Variants in SMYD3 observed in about 807,000 individuals in gnomAD.
The protein encoded by SMYD3 is histone-lysine N-methyltransferase SMYD3.
SMYD3 carries 36 observed loss-of-function variants against 57.7 expected under a neutral mutation model. The ratio of observed to expected loss-of-function variants is 0.62; its 90% CI spans 0.48 to 0.82. The LOEUF (loss-of-function observed/expected upper bound fraction) is 0.82. Among genes scored for constraint, SMYD3 ranks in the 40% least tolerant of loss-of-function variants. The pLI, the probability that SMYD3 is intolerant of heterozygous loss-of-function variation, is 0.00. For missense variants in SMYD3, 515 were observed against 538.8 expected (o/e 0.96, Z 0.44); for synonymous variants, 211 against 195.0 (o/e 1.08, Z -0.68).
intron 5 of SMYD3, chr1:246,052,847 A>T (rs1181025014): frequency 6.6e-6 from 1 of 152,244 alleles, no homozygotes; most frequent in East Asian, 1.9e-4. Flanking sequence ...AGTGTAAGGC[A>T]CTTTGTACTT....
intron 10 of SMYD3, among the ~76,000 whole-genome samples, chr1:245,796,358 T>C (rs2047520810): frequency 6.6e-6 from 1 of 152,032 alleles, no homozygotes; most frequent in Admixed American, 6.5e-5. Context: ...TTTTTTTTAA[T>C]AAAATGGAGA....
At chr1:246,304,189 C>T (rs1035831997) in intron 5 of SMYD3, among the ~76,000 whole-genome samples, 2 of 152,134 alleles carry the variant, frequency 1.3e-5, no homozygotes, top group Non-Finnish European at 2.9e-5. Flanking sequence ...TACTATATTT[C>T]AGATGCTCGT....
intron 5 of SMYD3, among the ~76,000 whole-genome samples, chr1:246,252,522 T>C (rs941381769): frequency 2.0e-5 from 3 of 152,114 alleles, no homozygotes; most frequent in African/African-American, 7.3e-5. Flanking sequence ...TAAAATATTA[T>C]AAATTTATTC....
intron 5 of SMYD3, among the ~76,000 whole-genome samples, chr1:245,940,093 T>C (rs1425130954): frequency 2.0e-5 from 3 of 152,168 alleles, no homozygotes; most frequent in Non-Finnish European, 2.9e-5. Flanking sequence ...TCAGGGAATT[T>C]CAGCAACTCC....
intron 10 of SMYD3, among the ~76,000 whole-genome samples, chr1:245,844,605 C>CTTTTTTTTTTTTTTT (rs34767057): frequency 1.4e-5 from 2 of 147,758 alleles, no homozygotes; most frequent in Non-Finnish European, 1.5e-5. Context: ...TCCTTGGTTT[C>CTTTTTTTTTTTTTTT]TTTTTTTTTT....
chr1:246,400,202 T>A (rs1229163241), intron 1 of SMYD3, among the ~76,000 whole-genome samples: 1 of 152,246 alleles, frequency 6.6e-6, no homozygotes, highest in Non-Finnish European at 1.5e-5. Flanking sequence ...TCATCTAACA[T>A]TTATTTACCC....
At chr1:246,093,961 G>A (rs1295818338) in intron 5 of SMYD3, among the ~76,000 whole-genome samples, 1 of 152,132 alleles carries the variant, frequency 6.6e-6, no homozygotes, top group Non-Finnish European at 1.5e-5. Flanking sequence ...AGAAGTCGGT[G>A]TAGCGTGTGT....
At chr1:245,809,056 G>T (rs1376834461) in intron 10 of SMYD3, among the ~76,000 whole-genome samples, 1 of 152,134 alleles carries the variant, frequency 6.6e-6, no homozygotes, top group Admixed American at 6.5e-5. Context: ...CTCCTGGCCG[G>T]TTGTGATTTT....
intron 10 of SMYD3, among the ~76,000 whole-genome samples, chr1:245,837,237 CAAA>C (rs5782371): frequency 3.6e-5 from 4 of 110,778 alleles, no homozygotes; most frequent in African/African-American, 3.2e-5. Context: ...GCCTCTGTCT[CAAA>C]AAAAAAAAAA....
At chr1:245,947,757 C>T (rs2057473002) in intron 5 of SMYD3, among the ~76,000 whole-genome samples, 1 of 152,078 alleles carries the variant, frequency 6.6e-6, no homozygotes. Flanking sequence ...AATAAACAGT[C>T]CACACCATTA....
At chr1:245,922,707 G>A (rs1310006788) in intron 7 of SMYD3, among the ~76,000 whole-genome samples, 1 of 151,922 alleles carries the variant, frequency 6.6e-6, no homozygotes, top group Non-Finnish European at 1.5e-5. Context: ...TAAGCATCAT[G>A]TGCTGGGCAC....
At chr1:246,205,511 A>T (rs1399457285) in intron 5 of SMYD3, among the ~76,000 whole-genome samples, 1 of 152,190 alleles carries the variant, frequency 6.6e-6, no homozygotes, top group Non-Finnish European at 1.5e-5. Flanking sequence ...CAGGAATTAG[A>T]CAGGACTAGA....
intron 7 of SMYD3, among the ~76,000 whole-genome samples, chr1:245,924,889 C>G (rs185431805): frequency 2.8e-4 from 43 of 152,132 alleles, no homozygotes; most frequent in African/African-American, 9.6e-4. Flanking sequence ...GATGCAAACT[C>G]CTGACCTCAA....
Position 245,811,855 on chromosome 1 carries a change from G to A in SMYD3, c.1076+46641C>T, listed in dbSNP as rs966993105. On this transcript the variant is annotated intron_variant, in intron 10 of 11. Coordinates refer to ENST00000490107, the MANE Select transcript of SMYD3 (RefSeq NM_001167740.2). ...TCATTTTACTGATGATATAAACTGA[G>A]GCTCTGAAAGGTTAAGCATGCTGCC... Among the ~76,000 whole-genome samples the A allele has an allele frequency of 2.6e-5, 4 of 152,126 alleles. No homozygotes were observed. In the South Asian group the frequency reaches 6.2e-4, roughly 24 times the overall value.
rs1447915746 is a variant in SMYD3 at position 245,945,185 on chromosome 1, A to G, written c.532-15248T>C. On this transcript the variant is annotated intron_variant, in intron 5 of 11. Transcript: ENST00000490107. ...GCACAGCAAAAGAAACTGTCATCAG[A>G]GCAAACAGCCTACAGAATGGAAGAA... is the stretch of plus-strand genomic sequence containing the variant. Among the ~76,000 whole-genome samples, 4 of 152,348 alleles carry G rather than the reference A, an allele frequency of 2.6e-5. No individual in the cohort carries two copies. In the South Asian group the frequency reaches 8.3e-4, roughly 32 times the overall value.
intron 5 of SMYD3, among the ~76,000 whole-genome samples, chr1:245,994,381 G>A (rs1558566964): frequency 1.3e-5 from 2 of 152,174 alleles, no homozygotes; most frequent in Admixed American, 6.5e-5. Flanking sequence ...AGAGGGACGC[G>A]GGGCTTTAGG....
chr1:245,924,678 T>TTC (rs1491247605), intron 7 of SMYD3, among the ~76,000 whole-genome samples: 1 of 76,842 alleles, frequency 1.3e-5, no homozygotes, highest in East Asian at 3.4e-4. Context: ...TTTTTTTTTT[T>TTC]CTGAGATGGA....
At chr1:245,924,645 T>G (rs2056230410) in intron 7 of SMYD3, among the ~76,000 whole-genome samples, 1 of 143,574 alleles carries the variant, frequency 7.0e-6, no homozygotes, top group Non-Finnish European at 1.5e-5. Context: ...TGTCTGAGAC[T>G]CTATTCCAGC....
intron 5 of SMYD3, among the ~76,000 whole-genome samples, chr1:246,164,498 T>C (rs1457383606): frequency 2.0e-5 from 3 of 152,220 alleles, no homozygotes; most frequent in Non-Finnish European, 4.4e-5. Flanking sequence ...CTTAGAGATC[T>C]GCTATTTCCA....
Sources: allele counts gnomAD v4.1 joint callset (sites outside exome capture counted in the v4.1 genomes callset), GRCh38; gene constraint gnomAD v4.1.1; transcripts MANE v1.5; gene names NCBI Gene and HGNC (gene_info 2026-07-23, HGNC 2026-07-21).